ZNF793: variants seen among roughly 807,000 people sequenced by gnomAD.
ZNF793 encodes the protein zinc finger protein 793.
A neutral mutation model predicts 12.4 loss-of-function variants in ZNF793; 5 were observed. That is an observed-to-expected ratio of 0.40 (90% CI 0.21 to 0.84). The LOEUF (loss-of-function observed/expected upper bound fraction) is 0.84. ZNF793 is among the 40% of genes least tolerant of loss of function. The pLI is 0.35. For missense variants in ZNF793, 456 were observed against 495.0 expected, an observed-to-expected ratio of 0.92 and a Z score of 0.75; for synonymous variants, 162 against 172.4, an observed-to-expected ratio of 0.94 and a Z score of 0.47.
At position 37,537,293 on chromosome 19, in the gene ZNF793, C is replaced by G; in HGVS notation, c.635C>G (p.Ser212Cys). The change falls in exon 8 of 8, where the codon TCT becomes TGT. Residue 212 changes from serine (S) to cysteine (C), a missense_variant. Ser to Cys is a moderately radical substitution (Grantham distance 112). Coordinates refer to ENST00000627814, the MANE Select transcript of ZNF793 (RefSeq NM_001013659.3). ...ALMYKPAVSD[S>C]LLYKRKRVPP... ...ATGTATAAACCAGCAGTAAGTGATT[C>G]TCTCTTGTACAAACGGAAGAGGGTT... 6.2e-7 allele frequency: 1 copy of G among 1,613,796 alleles called. No individual in the cohort carries two copies. Among genetic ancestry groups the G allele is most frequent in the South Asian group, 1.1e-5 (1 of 91,070 alleles).
intron 5 of ZNF793, among the ~76,000 whole-genome samples, chr19:37,525,619 T>C (rs1314380880): frequency 3.5e-5 from 5 of 144,630 alleles, no homozygotes; most frequent in Non-Finnish European, 7.5e-5. Context: ...GTATTTTTAG[T>C]AGAGACAGGG....
rs376870274 is a variant in ZNF793, at chr19:37,532,411, G to A, written c.71G>A (p.Arg24Gln). The change falls in exon 6 of 8, where the codon CGG (arginine) becomes CAG (glutamine). Residue 24 changes from arginine to glutamine, a missense_variant. Arg to Gln is a conservative substitution (Grantham distance 43, BLOSUM62 1). Transcript: ENST00000627814. ...GGCTTCACCCAAGAGGAGTGGCACC[G>A]GCTGAGTCCTGCTCAGAGGGCCCTG... ...VVGFTQEEWH[R>Q]LSPAQRALYR... The A allele has an allele frequency of 3.4e-5, 55 of 1,614,082 alleles. No homozygotes were observed. The highest frequency in any genetic ancestry group is 2.7e-4 in the East Asian group (12 of 44,880).
intron 5 of ZNF793, 94 bp downstream of exon 5, chr19:37,523,548 C>A: frequency 8.0e-7 from 1 of 1,250,722 alleles, no homozygotes; most frequent in Non-Finnish European, 1.2e-6. Context: ...ACAGTTTGTA[C>A]ATACAGGCTG....
chr19:37,528,132 A>AT (rs2042430752), intron 5 of ZNF793, among the ~76,000 whole-genome samples: 1 of 152,164 alleles, frequency 6.6e-6, no homozygotes, highest in South Asian at 2.1e-4. Context: ...CCATCTCAAA[A>AT]TAAATTAATT....
intron 2 of ZNF793, among the ~76,000 whole-genome samples, chr19:37,515,457 G>C (rs147166793): frequency 9.9e-5 from 15 of 152,030 alleles, no homozygotes; most frequent in African/African-American, 3.6e-4. Flanking sequence ...ACAGGTGCCC[G>C]CCACCCCACC....
At chr19:37,506,993 T>A (rs1242649845) in intron 1 of ZNF793, 27 bp downstream of exon 1, 1 of 152,144 alleles carries the variant, frequency 6.6e-6, no homozygotes, top group Non-Finnish European at 1.5e-5. Flanking sequence ...GGACGACCAA[T>A]TTCAGATTCA....
chr19:37,533,159 T>A (rs1381236806), intron 6 of ZNF793, 149 bp from the exon 7 acceptor site: 9 of 625,400 alleles, frequency 1.4e-5, no homozygotes. Flanking sequence ...TCCATGGTCC[T>A]GGATTACTAA....
chr19:37,528,858 G>A (rs1008921289), intron 5 of ZNF793, among the ~76,000 whole-genome samples: 1 of 152,096 alleles, frequency 6.6e-6, no homozygotes, highest in Admixed American at 6.6e-5. Flanking sequence ...CTCTGGCCTG[G>A]GCACCCTGCT....
chr19:37,512,101 T>A (rs2042298327), intron 2 of ZNF793, among the ~76,000 whole-genome samples: 1 of 152,122 alleles, frequency 6.6e-6, no homozygotes, highest in Admixed American at 6.6e-5. Context: ...ACATACAACC[T>A]GACAATATGG....
intron 2 of ZNF793, among the ~76,000 whole-genome samples, chr19:37,510,292 G>A (rs781238846): frequency 6.6e-6 from 1 of 151,362 alleles, no homozygotes; most frequent in Non-Finnish European, 1.5e-5. Context: ...ACCACTTGAG[G>A]TCAGGAGTTC....
At position 37,518,948 on chromosome 19, in the gene ZNF793, G is replaced by A. The variant is rs571012401; in HGVS notation, c.-275-1236G>A. ...GAGACACATTATTGGATGTTGAAGA[G>A]TGGTTTAATGAGTGTGCACTCTAAA... On this transcript the variant is annotated intron_variant, in intron 2 of 7. Coordinates refer to ENST00000627814, the MANE Select transcript of ZNF793 (RefSeq NM_001013659.3). Among the ~76,000 whole-genome samples, 200 of 152,230 alleles carry A rather than the reference G, an allele frequency of 1.3e-3. No homozygotes were observed. In the Middle Eastern group the frequency reaches 0.014, roughly 10 times the overall value.
chr19:37,523,540 A>G (rs1198202262), intron 5 of ZNF793, 86 bp downstream of exon 5: 28 of 1,320,586 alleles, frequency 2.1e-5, no homozygotes, highest in Middle Eastern at 1.8e-4. Flanking sequence ...AAGTATGTAC[A>G]GTTTGTACAT....
At chr19:37,513,794 G>T (rs1409871214) in intron 2 of ZNF793, among the ~76,000 whole-genome samples, 1 of 152,138 alleles carries the variant, frequency 6.6e-6, no homozygotes, top group Non-Finnish European at 1.5e-5. Context: ...ATTTTTTAAT[G>T]AAGATGGAAA....
chr19:37,521,496 C>A (rs902210658), intron 3 of ZNF793, among the ~76,000 whole-genome samples: 3 of 137,948 alleles, frequency 2.2e-5, no homozygotes, highest in Non-Finnish European at 4.5e-5. Context: ...AGTGCAATGG[C>A]GCGATCTCTG....
chr19:37,536,792 T>C (rs2042508137), intron 7 of ZNF793, 105 bp from the exon 8 acceptor site: 1 of 1,311,492 alleles, frequency 7.6e-7, no homozygotes, highest in Non-Finnish European at 1.0e-6. Flanking sequence ...TGCTTTGGGT[T>C]ATGGTTCATG....
At chr19:37,512,087 C>G (rs2042298252) in intron 2 of ZNF793, among the ~76,000 whole-genome samples, 9 of 152,058 alleles carry the variant, frequency 5.9e-5, no homozygotes, top group Admixed American at 5.9e-4. Context: ...TGCCTCTGTC[C>G]CTCACATACA....
intron 5 of ZNF793, among the ~76,000 whole-genome samples, chr19:37,530,241 C>T (rs1230428391): frequency 6.6e-6 from 1 of 152,154 alleles, no homozygotes; most frequent in Non-Finnish European, 1.5e-5. Context: ...GGTTTTATAC[C>T]GAGACATTCC....
chr19:37,521,512 T>C (rs921017749), intron 3 of ZNF793, among the ~76,000 whole-genome samples: 6 of 147,278 alleles, frequency 4.1e-5, no homozygotes, highest in Non-Finnish European at 5.9e-5. Flanking sequence ...CTCTGCTCAC[T>C]GCAGCCTCCA....
intron 1 of ZNF793, chr19:37,507,197 C>T (rs891289024): frequency 6.5e-6 from 1 of 152,724 alleles, no homozygotes. Flanking sequence ...TGGTGGCGGA[C>T]AGAGGTTTGC....
Sources: gnomAD v4.1 joint callset for allele counts (sites outside exome capture counted in the v4.1 genomes callset) on GRCh38, gnomAD v4.1.1 for gene constraint, MANE v1.5 for transcripts, NCBI Gene and HGNC (gene_info 2026-07-23, HGNC 2026-07-21) for gene names.